Variants in CSMD1 observed in about 807,000 individuals in gnomAD.
CSMD1 encodes the protein CUB and sushi domain-containing protein 1.
In CSMD1, 213 loss-of-function variants were observed where a neutral mutation model predicts 417.5. The ratio of observed to expected loss-of-function variants is 0.51; its 90% confidence interval spans 0.46 to 0.57. CSMD1 has a LOEUF of 0.57. Among genes scored for constraint, CSMD1 ranks in the 20% least tolerant of loss-of-function variants. The probability of loss-of-function intolerance (pLI) is 0.00; values close to 1 mark genes in which losing one functional copy is unlikely to be tolerated. For synonymous variants in CSMD1, 2,862 were observed against 1,736.8 expected (o/e 1.65, Z -16.11); for missense variants, 6,923 against 4,529.7 (o/e 1.53, Z -15.17).
chr8:4,169,429 C>T (rs1584949532), intron 3 of CSMD1, among the ~76,000 whole-genome samples: 1 of 152,136 alleles, frequency 6.6e-6, no homozygotes. Flanking sequence ...CACATCCCAC[C>T]TTTAATCTTT....
At chr8:4,133,811 A>G (rs1420509159) in intron 3 of CSMD1, among the ~76,000 whole-genome samples, 1 of 152,194 alleles carries the variant, frequency 6.6e-6, no homozygotes, top group African/African-American at 2.4e-5. Context: ...CACTCTGACC[A>G]TGCCTGATCT....
At chr8:3,731,524 G>A (rs1322588557) in intron 6 of CSMD1, among the ~76,000 whole-genome samples, 1 of 152,142 alleles carries the variant, frequency 6.6e-6, no homozygotes, top group Non-Finnish European at 1.5e-5. Context: ...GCTTGACCCA[G>A]TGCAGCCAGT....
At chr8:4,559,620 A>G (rs1193245657) in intron 2 of CSMD1, among the ~76,000 whole-genome samples, 1 of 152,230 alleles carries the variant, frequency 6.6e-6, no homozygotes, top group Non-Finnish European at 1.5e-5. Context: ...TATAACCTCT[A>G]TAACCAAGCA....
intron 1 of CSMD1, among the ~76,000 whole-genome samples, chr8:4,835,182 G>C (rs551353779): frequency 1.9e-4 from 29 of 151,770 alleles, no homozygotes; most frequent in Non-Finnish European, 3.7e-4. Context: ...ATGAAGCGAA[G>C]GACAATCAAG....
intron 11 of CSMD1, among the ~76,000 whole-genome samples, chr8:3,485,933 G>C (rs1015480928): frequency 6.6e-6 from 1 of 152,040 alleles, no homozygotes; most frequent in Non-Finnish European, 1.5e-5. Context: ...CTGGAGATCC[G>C]GACGAAGTCT....
At chr8:4,519,616 T>A (rs1803318998) in intron 2 of CSMD1, among the ~76,000 whole-genome samples, 1 of 151,228 alleles carries the variant, frequency 6.6e-6, no homozygotes. Flanking sequence ...TGCAGGTACC[T>A]ATAATCCCAG....
At chr8:4,718,105 C>G (rs1232100115) in intron 1 of CSMD1, among the ~76,000 whole-genome samples, 1 of 152,084 alleles carries the variant, frequency 6.6e-6, no homozygotes, top group African/African-American at 2.4e-5. Context: ...CTCAAAGTAC[C>G]TGGTATGACA....
At chr8:4,799,285 G>C (rs187600982) in intron 1 of CSMD1, among the ~76,000 whole-genome samples, 30 of 152,238 alleles carry the variant, frequency 2.0e-4, no homozygotes, top group African/African-American at 6.7e-4. Flanking sequence ...TGATCAATTG[G>C]TAAAGAAGTT....
intron 2 of CSMD1, among the ~76,000 whole-genome samples, chr8:4,571,814 T>A (rs1798908366): frequency 6.6e-6 from 1 of 152,222 alleles, no homozygotes; most frequent in African/African-American, 2.4e-5. Flanking sequence ...GGGGCTTCTA[T>A]ATTGGGTGCA....
chr8:3,282,817 G>A (rs371119209), intron 26 of CSMD1, among the ~76,000 whole-genome samples: 2 of 152,146 alleles, frequency 1.3e-5, no homozygotes, highest in African/African-American at 4.8e-5. Context: ...GCATTAAACT[G>A]ACCTAACTCA....
At chr8:3,474,086 G>C (rs1465834118) in intron 11 of CSMD1, among the ~76,000 whole-genome samples, 4 of 152,146 alleles carry the variant, frequency 2.6e-5, no homozygotes, top group African/African-American at 9.7e-5. Flanking sequence ...TTAGAGATGA[G>C]ATTTGAGTGG....
At chr8:4,485,545 C>A (rs960481849) in intron 2 of CSMD1, among the ~76,000 whole-genome samples, 1 of 152,106 alleles carries the variant, frequency 6.6e-6, no homozygotes, top group African/African-American at 2.4e-5. Context: ...TGGCAATATT[C>A]TTATAATTGG....
At chr8:3,655,786 G>C (rs181704882) in intron 7 of CSMD1, among the ~76,000 whole-genome samples, 3 of 152,094 alleles carry the variant, frequency 2.0e-5, no homozygotes, top group Non-Finnish European at 2.9e-5. Flanking sequence ...GAAAGGTAGA[G>C]TCTAATAGCA....
chr8:4,454,931 A>C (rs1799378690), intron 2 of CSMD1, among the ~76,000 whole-genome samples: 1 of 152,164 alleles, frequency 6.6e-6, no homozygotes, highest in African/African-American at 2.4e-5. Context: ...ATCTCACTCC[A>C]GACTCATGAC....
intron 1 of CSMD1, among the ~76,000 whole-genome samples, chr8:4,693,062 T>G (rs989825772): frequency 6.6e-6 from 1 of 152,158 alleles, no homozygotes; most frequent in African/African-American, 2.4e-5. Flanking sequence ...TGATACTGAC[T>G]ACACTACACA....
At chr8:3,006,787 G>A (rs1046132957) in intron 52 of CSMD1, among the ~76,000 whole-genome samples, 2 of 151,204 alleles carry the variant, frequency 1.3e-5, no homozygotes, top group Non-Finnish European at 2.9e-5. Context: ...ATGGATTAAA[G>A]ACTTAAACGT....
chr8:4,392,456 T>G (rs1369068285), intron 3 of CSMD1, among the ~76,000 whole-genome samples: 3 of 152,016 alleles, frequency 2.0e-5, no homozygotes, highest in Non-Finnish European at 4.4e-5. Context: ...TTAAAAGAAT[T>G]ATCAGTCCAT....
intron 1 of CSMD1, among the ~76,000 whole-genome samples, chr8:4,920,866 GAAAAGAAAAGAAAAGAAAAGA>G (rs1806396670): frequency 3.5e-4 from 2 of 5,734 alleles, no homozygotes; most frequent in African/African-American, 7.0e-4. Flanking sequence ...GAAAAGAAAA[GAAAAGAAAAGAAAAGAAAAGA>G]AAAGAAAAGA....
At chr8:3,243,031 G>A (rs555568626) in intron 26 of CSMD1, among the ~76,000 whole-genome samples, 73 of 152,230 alleles carry the variant, frequency 4.8e-4, no homozygotes, top group Middle Eastern at 6.8e-3. Flanking sequence ...CGGATAAAAC[G>A]TGTCTCCTTT....
Sources: gnomAD v4.1 joint callset for allele counts (sites outside exome capture counted in the v4.1 genomes callset) on GRCh38, gnomAD v4.1.1 for gene constraint, MANE v1.5 for transcripts, NCBI Gene and HGNC (gene_info 2026-07-23, HGNC 2026-07-21) for gene names.